The following CFAP69 variants were observed in gnomAD, a reference collection of about 807,000 sequenced individuals.
The protein encoded by CFAP69 is cilia- and flagella-associated protein 69.
A neutral mutation model predicts 123.0 loss-of-function variants in CFAP69; 92 were observed. The ratio of observed to expected loss-of-function variants is 0.75; its 90% CI spans 0.63 to 0.89. The LOEUF is 0.89. Among genes scored for constraint, CFAP69 ranks in the 40% least tolerant of loss-of-function variants. The pLI, the probability that CFAP69 is intolerant of heterozygous loss-of-function variation, is 0.00. For missense variants in CFAP69, 1,067 were observed against 1,096.9 expected (o/e 0.97, Z 0.39); for synonymous variants, 380 against 364.3 (o/e 1.04, Z -0.49).
chr7:90,268,412 T>C, intron 6 of CFAP69, 28 bp downstream of exon 6: 1 of 1,450,214 alleles, frequency 6.9e-7, no homozygotes, highest in South Asian at 1.2e-5. Context: ...CTTTCAGTGA[T>C]AACTTGTGTA....
Position 90,310,052 on chromosome 7 carries a change from C to T in CFAP69, c.2656-16C>T, listed in dbSNP as rs1794148383. 6 of 1,597,074 alleles carry T rather than the reference C, an allele frequency of 3.8e-6. No individual in the cohort carries two copies. In the East Asian group the frequency reaches 1.1e-4, roughly 30 times the overall value. On this transcript the variant is annotated splice_polypyrimidine_tract_variant and intron_variant, in intron 22 of 22. Transcript: ENST00000389297. ...GTGTAAATGGACTTTTAGATATTTA[C>T]CTTTTGCCTTTTTAGGTGCCCTCTG...
At chr7:90,309,408 A>C in intron 22 of CFAP69, 41 bp downstream of exon 22, 1 of 1,159,654 alleles carries the variant, frequency 8.6e-7, no homozygotes, top group Non-Finnish European at 1.2e-6. Context: ...ATAGACATTA[A>C]ATTTAGAGTG....
chr7:90,293,403 A>T (rs1292716854), intron 15 of CFAP69, among the ~76,000 whole-genome samples: 3 of 152,136 alleles, frequency 2.0e-5, no homozygotes, highest in Non-Finnish European at 4.4e-5. Context: ...TCCAAGAAAA[A>T]CCTGTTGTCA....
intron 1 of CFAP69, among the ~76,000 whole-genome samples, chr7:90,247,957 A>G (rs1426522045): frequency 6.6e-6 from 1 of 152,268 alleles, no homozygotes; most frequent in East Asian, 1.9e-4. Context: ...GCAGTTATCA[A>G]CATCATCATT....
chr7:90,292,978 A>C (rs1791428487), intron 15 of CFAP69, among the ~76,000 whole-genome samples: 1 of 152,212 alleles, frequency 6.6e-6, no homozygotes, highest in African/African-American at 2.4e-5. Flanking sequence ...TTTGTGGATG[A>C]CAAAACATCG....
At chr7:90,313,790 C>T (rs1051042536), downstream of CFAP69, among the ~76,000 whole-genome samples, 1 of 152,124 alleles carries the variant, frequency 6.6e-6, no homozygotes, top group Non-Finnish European at 1.5e-5. Flanking sequence ...GATATTCCCT[C>T]CTCAAGAAGG....
chr7:90,274,196 G>A, intron 9 of CFAP69, 86 bp downstream of exon 9: 1 of 1,491,620 alleles, frequency 6.7e-7, no homozygotes, highest in East Asian at 2.4e-5. Flanking sequence ...TGGAATATTT[G>A]TGTATTTTCT....
At chr7:90,301,011 C>G (rs1226753520) in intron 17 of CFAP69, 1 of 152,322 alleles carries the variant, frequency 6.6e-6, no homozygotes, top group East Asian at 1.9e-4. Context: ...CTCTTTCGCC[C>G]AGGCTGGAGT....
chr7:90,313,506 A>G (rs976351434), downstream of CFAP69, among the ~76,000 whole-genome samples: 1 of 152,206 alleles, frequency 6.6e-6, no homozygotes, highest in African/African-American at 2.4e-5. Flanking sequence ...TCATTCTCCA[A>G]TAAAATGAGC....
chr7:90,245,575 G>C, intron 1 of CFAP69, 31 bp downstream of exon 1: 4 of 1,447,408 alleles, frequency 2.8e-6, no homozygotes, highest in Non-Finnish European at 3.6e-6. Context: ...TTTCAGAGGT[G>C]GAGGGGGTGG....
intron 11 of CFAP69, among the ~76,000 whole-genome samples, chr7:90,279,274 G>C (rs1177154119): frequency 2.6e-5 from 4 of 152,062 alleles, no homozygotes; most frequent in Non-Finnish European, 4.4e-5. Context: ...TTTAAAAAAA[G>C]AGTGAGGAAA....
chr7:90,268,486 AAC>A (rs1799482398), intron 6 of CFAP69, 102 bp downstream of exon 6: 1 of 813,412 alleles, frequency 1.2e-6, no homozygotes, highest in Non-Finnish European at 1.9e-6. Flanking sequence ...TCATAAATGT[AAC>A]ACATTAAAAA....
At chr7:90,297,026 C>T (rs1457671825) in intron 15 of CFAP69, among the ~76,000 whole-genome samples, 1 of 152,162 alleles carries the variant, frequency 6.6e-6, no homozygotes, top group African/African-American at 2.4e-5. Flanking sequence ...GGATTCGCTA[C>T]AGAATGTAGA....
chr7:90,320,477 A>G, the CFAP69 span: 1 of 152,248 alleles, frequency 6.6e-6, no homozygotes, highest in Non-Finnish European at 1.5e-5. Context: ...ACATTTTTCT[A>G]ATGCCTCTTT....
chr7:90,322,066 C>T, the CFAP69 span, among the ~76,000 whole-genome samples: 2 of 152,132 alleles, frequency 1.3e-5, no homozygotes, highest in African/African-American at 4.8e-5. Context: ...AGTGCCAAAC[C>T]AAACAGCCCA....
At position 90,245,249 on chromosome 7, in the gene CFAP69, A is replaced by C. The variant is rs1040897301; in HGVS notation, c.-176A>C. On this transcript the variant is annotated 5_prime_UTR_variant, in exon 1 of 23. Coordinates refer to ENST00000389297, the MANE Select transcript of CFAP69 (RefSeq NM_001039706.3). ...TCAACTGGGGGGCGGCAGCGGCGCTAAGCGGACTGTATGGCGGTGGCCTAG... is the reference window on the plus strand; with the variant it reads ...TCAACTGGGGGGCGGCAGCGGCGCTCAGCGGACTGTATGGCGGTGGCCTAG... 10 of 785,520 alleles carry C rather than the reference A, an allele frequency of 1.3e-5. No individual in the cohort carries two copies. In the Admixed American group the frequency reaches 1.7e-4, roughly 14 times the overall value. The allele number at this position is 785,520 out of a possible 1,614,324, so 48.7% of individuals were successfully genotyped here.
Position 90,273,995 on chromosome 7 carries a change from A to G in CFAP69, c.869A>G (p.Lys290Arg), listed in dbSNP as rs761794797. The G allele has an allele frequency of 5.0e-6, 8 of 1,595,252 alleles. No individual in the cohort carries two copies. Among genetic ancestry groups the G allele is most frequent in the Non-Finnish European group, 6.8e-6 (8 of 1,172,486 alleles). ...ATGATTTTACTTTCTAGGGCTTTGA[A>G]GGAAGTATTTAAAAATCTGTTTATG... The part of the protein sequence containing the change: ...LSNLECLLAL[K>R]EVFKNLFMRG... The change falls in exon 9 of 23, where the codon AAG becomes AGG. Residue 290 changes from lysine to arginine, a missense_variant. Physicochemically the swap from Lys to Arg is conservative, Grantham distance 26 (BLOSUM62 2). Transcript: ENST00000389297.
chr7:90,260,565 C>A (rs1017200921), intron 3 of CFAP69, among the ~76,000 whole-genome samples: 15 of 152,040 alleles, frequency 9.9e-5, no homozygotes. Context: ...TTATCAAGCT[C>A]TAATATTAGC....
At chr7:90,286,433 C>T (rs774388196) in intron 14 of CFAP69, 34 bp downstream of exon 14, 1 of 1,601,710 alleles carries the variant, frequency 6.2e-7, no homozygotes, top group Non-Finnish European at 8.5e-7. Flanking sequence ...GTTCAGGTCT[C>T]CCAGTCACCT....
Sources: gnomAD v4.1 joint callset for allele counts (sites outside exome capture counted in the v4.1 genomes callset) on GRCh38, gnomAD v4.1.1 for gene constraint, MANE v1.5 for transcripts, NCBI Gene and HGNC (gene_info 2026-07-23, HGNC 2026-07-21) for gene names.